The following C12orf42 variants were observed in gnomAD, a reference collection of about 807,000 sequenced individuals.
The protein encoded by C12orf42 is chromosome 12 open reading frame 42.
In C12orf42, 25 loss-of-function variants were observed where a neutral mutation model predicts 21.6. That is an observed-to-expected ratio of 1.16 (90% CI 0.84 to 1.62). The LOEUF is 1.62. C12orf42 is among the 40% of genes most tolerant of loss of function. The pLI, the probability that C12orf42 is intolerant of heterozygous loss-of-function variation, is 0.00. For missense variants in C12orf42, 483 were observed against 459.3 expected (o/e 1.05, Z -0.47); for synonymous variants, 174 against 175.0 (o/e 0.99, Z 0.05).
At position 103,469,212 on chromosome 12, in the gene C12orf42, TA is replaced by T. The variant is rs1592945092; in HGVS notation, c.78+9136del. On this transcript the variant is annotated intron_variant, in intron 2 of 5. Coordinates refer to ENST00000548883, the MANE Select transcript of C12orf42 (RefSeq NM_198521.5). ...CAGAAGGCACAGCATTTGTGAGTGT[TA>T]AACTCAGGAAGGCATGAACCTTCAA... Among the ~76,000 whole-genome samples, 3 of 152,360 alleles carry T rather than the reference TA, an allele frequency of 2.0e-5. No individual in the cohort carries two copies. In the East Asian group the frequency reaches 5.8e-4, roughly 29 times the overall value.
At chr12:103,465,903 T>C (rs1953088592) in intron 2 of C12orf42, among the ~76,000 whole-genome samples, 1 of 152,214 alleles carries the variant, frequency 6.6e-6, no homozygotes, top group African/African-American at 2.4e-5. Context: ...TTATGTATAT[T>C]GATTTGTGCA....
the C12orf42 span, among the ~76,000 whole-genome samples, chr12:103,069,123 C>A: frequency 1.3e-5 from 2 of 150,798 alleles, no homozygotes; most frequent in African/African-American, 4.9e-5. Flanking sequence ...TTTTACTAAT[C>A]CTCTTTTCTT....
chr12:103,413,445 AT>A, intron 2 of C12orf42, among the ~76,000 whole-genome samples: 1 of 151,272 alleles, frequency 6.6e-6, no homozygotes, highest in East Asian at 1.9e-4. Context: ...CTCTTTTTTC[AT>A]TCCATATGAA....
the C12orf42 span, among the ~76,000 whole-genome samples, chr12:103,131,662 A>C: frequency 6.6e-6 from 1 of 152,208 alleles, no homozygotes; most frequent in Non-Finnish European, 1.5e-5. Context: ...CTCCCCTCTG[A>C]ATATTTTTCC....
chr12:103,468,169 T>A (rs1441834543), intron 2 of C12orf42, among the ~76,000 whole-genome samples: 1 of 152,240 alleles, frequency 6.6e-6, no homozygotes, highest in Non-Finnish European at 1.5e-5. Context: ...TATACAAATT[T>A]GTGTTAAATA....
At chr12:103,557,964 C>T in the C12orf42 span, 1 of 152,206 alleles carries the variant, frequency 6.6e-6, no homozygotes, top group Non-Finnish European at 1.5e-5. Context: ...TTGACTTCAA[C>T]ATTTGACACA....
intron 4 of C12orf42, among the ~76,000 whole-genome samples, chr12:103,294,428 GAGAA>G (rs58968326): frequency 0.082 from 7,815 of 95,574 alleles, 357 homozygotes; most frequent in African/African-American, 0.093. Flanking sequence ...AAAGGAGAGA[GAGAA>G]AGAAAGAAAG....
At chr12:103,265,552 A>G (rs908638460), downstream of C12orf42, among the ~76,000 whole-genome samples, 1 of 152,206 alleles carries the variant, frequency 6.6e-6, no homozygotes, top group African/African-American at 2.4e-5. Context: ...TCAGCTTTTC[A>G]TTCGATGCTC....
chr12:103,478,483 A>G, intron 1 of C12orf42, 36 bp from the exon 2 acceptor site: 2 of 1,036,306 alleles, frequency 1.9e-6, no homozygotes, highest in South Asian at 1.6e-5. Context: ...GAGCAGGTTT[A>G]CAATGATGCA....
chr12:103,264,031 A>G (rs897340271), downstream of C12orf42, among the ~76,000 whole-genome samples: 1 of 152,092 alleles, frequency 6.6e-6, no homozygotes, highest in African/African-American at 2.4e-5. Flanking sequence ...ACCATGACTT[A>G]CAAAATATTG....
At chr12:103,245,276 G>A (rs577434211) in intron 10 of C12orf42, among the ~76,000 whole-genome samples, 81 of 152,104 alleles carry the variant, frequency 5.3e-4, no homozygotes, top group South Asian at 1.0e-3. Flanking sequence ...CTGTATAACC[G>A]TGGGCAAGAT....
chr12:103,424,158 ATCCCCC>A (rs1172497527), intron 2 of C12orf42, among the ~76,000 whole-genome samples: 13 of 152,256 alleles, frequency 8.5e-5, no homozygotes, highest in Non-Finnish European at 1.5e-5. Flanking sequence ...AGTGATTAAG[ATCCCCC>A]TGCACATGGT....
the C12orf42 span, among the ~76,000 whole-genome samples, chr12:103,502,828 T>C: frequency 1.3e-5 from 2 of 152,222 alleles, no homozygotes; most frequent in African/African-American, 4.8e-5. Context: ...CAGTCTGTGG[T>C]ATAATGGGAA....
chr12:103,166,155 T>G, the C12orf42 span, among the ~76,000 whole-genome samples: 1 of 152,162 alleles, frequency 6.6e-6, no homozygotes, highest in South Asian at 2.1e-4. Context: ...CTCTCTAGGT[T>G]TGAATCCTAG....
chr12:103,432,875 G>A (rs74426441), intron 2 of C12orf42, among the ~76,000 whole-genome samples: 2,411 of 152,198 alleles, frequency 0.016, 77 homozygotes, highest in African/African-American at 0.055. Flanking sequence ...CCTTGATCTC[G>A]GACTCCCAGC....
intron 2 of C12orf42, among the ~76,000 whole-genome samples, chr12:103,437,724 A>C (rs966065924): frequency 2.0e-5 from 3 of 149,874 alleles, no homozygotes; most frequent in African/African-American, 2.4e-5. Flanking sequence ...GAATCTCTGA[A>C]TAGACCAATA....
the C12orf42 span, among the ~76,000 whole-genome samples, chr12:103,208,240 T>C: frequency 1.3e-5 from 2 of 152,326 alleles, no homozygotes; most frequent in Middle Eastern, 3.4e-3. Context: ...GGCTGGCCCA[T>C]TGAAGATGCT....
At chr12:103,386,047 C>T (rs147507060) in intron 3 of C12orf42, among the ~76,000 whole-genome samples, 2,481 of 152,336 alleles carry the variant, frequency 0.016, 24 homozygotes, top group Non-Finnish European at 0.023. Context: ...CATTTCACAT[C>T]TAACTCACTT....
chr12:103,189,645 A>G, the C12orf42 span, among the ~76,000 whole-genome samples: 3 of 152,182 alleles, frequency 2.0e-5, no homozygotes, highest in African/African-American at 7.2e-5. Context: ...GGGAAAAAGT[A>G]GGTAAAATGA....
Sources: allele counts gnomAD v4.1 joint callset (sites outside exome capture counted in the v4.1 genomes callset), GRCh38; gene constraint gnomAD v4.1.1; transcripts MANE v1.5; gene names NCBI Gene and HGNC (gene_info 2026-07-23, HGNC 2026-07-21).